Variants in SLC24A2 observed in about 807,000 individuals in gnomAD.
The protein encoded by SLC24A2 is solute carrier family 24 member 2.
A neutral mutation model predicts 62.0 loss-of-function variants in SLC24A2; 36 were observed. The observed-to-expected ratio is 0.58, with a 90% CI of 0.44 to 0.77. SLC24A2 has a LOEUF of 0.77. SLC24A2 is among the 30% of genes least tolerant of loss of function. The pLI is 0.00. For missense variants in SLC24A2, 846 were observed against 817.9 expected (o/e 1.03, Z -0.42); for synonymous variants, 358 against 294.0 (o/e 1.22, Z -2.23).
intron 7 of SLC24A2, among the ~76,000 whole-genome samples, chr9:19,562,235 C>A (rs1216534632): frequency 6.6e-6 from 1 of 151,984 alleles, no homozygotes; most frequent in African/African-American, 2.4e-5. Flanking sequence ...ACTGGAGAAA[C>A]ATAAAAAATA....
At chr9:20,239,552 G>A in the SLC24A2 span, among the ~76,000 whole-genome samples, 2,198 of 152,260 alleles carry the variant, frequency 0.014, 16 homozygotes, top group Non-Finnish European at 0.022. Flanking sequence ...TTAGGCTTGA[G>A]GCCTAGGAAA....
chr9:19,676,165 T>C (rs1242504568), intron 2 of SLC24A2, among the ~76,000 whole-genome samples: 1 of 152,202 alleles, frequency 6.6e-6, no homozygotes, highest in Non-Finnish European at 1.5e-5. Flanking sequence ...ATGGTGTGTG[T>C]TCAGGGGTGG....
At chr9:20,033,854 C>T in the SLC24A2 span, among the ~76,000 whole-genome samples, 2 of 152,206 alleles carry the variant, frequency 1.3e-5, no homozygotes, top group Non-Finnish European at 2.9e-5. Context: ...CTACCAGCAG[C>T]CCTTAGGGCT....
chr9:20,137,272 A>G, the SLC24A2 span, among the ~76,000 whole-genome samples: 1 of 152,192 alleles, frequency 6.6e-6, no homozygotes, highest in Non-Finnish European at 1.5e-5. Context: ...GATCACTTGC[A>G]TAGTTGAATT....
chr9:19,778,910 G>A (rs1822925544), intron 2 of SLC24A2, among the ~76,000 whole-genome samples: 1 of 152,144 alleles, frequency 6.6e-6, no homozygotes, highest in Non-Finnish European at 1.5e-5. Flanking sequence ...AGGAATAAAA[G>A]AGGCATTAAA....
the SLC24A2 span, among the ~76,000 whole-genome samples, chr9:19,920,455 C>G: frequency 6.6e-6 from 1 of 152,220 alleles, no homozygotes; most frequent in Admixed American, 6.5e-5. Context: ...GATTTGAGTT[C>G]AAGCAGTTTA....
chr9:19,673,481 C>G (rs902443000), intron 2 of SLC24A2, among the ~76,000 whole-genome samples: 1 of 151,716 alleles, frequency 6.6e-6, no homozygotes, highest in Non-Finnish European at 1.5e-5. Flanking sequence ...CACAGTCTTG[C>G]TCTGTCCTTC....
At chr9:20,161,869 G>C in the SLC24A2 span, among the ~76,000 whole-genome samples, 1 of 151,328 alleles carries the variant, frequency 6.6e-6, no homozygotes, top group Non-Finnish European at 1.5e-5. Flanking sequence ...TAGGAGTTGG[G>C]AAAAAGCTAG....
the SLC24A2 span, among the ~76,000 whole-genome samples, chr9:20,228,462 C>T: frequency 6.6e-6 from 1 of 151,630 alleles, no homozygotes; most frequent in African/African-American, 2.4e-5. Flanking sequence ...GAGCTGGCAC[C>T]CCAAATTGTC....
chr9:20,240,020 C>A, the SLC24A2 span, among the ~76,000 whole-genome samples: 5 of 152,152 alleles, frequency 3.3e-5, no homozygotes, highest in East Asian at 9.7e-4. Flanking sequence ...GCAGTAGAGA[C>A]TAGGCTAAGC....
chr9:19,981,869 T>C, the SLC24A2 span, among the ~76,000 whole-genome samples: 271 of 152,256 alleles, frequency 1.8e-3, 7 homozygotes, highest in Admixed American at 0.016. Context: ...AATTCACTTA[T>C]GTGATCAAGC....
At chr9:19,958,465 T>C in the SLC24A2 span, among the ~76,000 whole-genome samples, 1 of 152,190 alleles carries the variant, frequency 6.6e-6, no homozygotes, top group Non-Finnish European at 1.5e-5. Flanking sequence ...GGCTTTATGG[T>C]GCAGTCAGGA....
chr9:19,980,000 A>C, the SLC24A2 span, among the ~76,000 whole-genome samples: 1 of 152,214 alleles, frequency 6.6e-6, no homozygotes, highest in Non-Finnish European at 1.5e-5. Flanking sequence ...TTCTCAACTG[A>C]AGGAACTCAC....
rs1202459647 is a variant in SLC24A2 at position 19,541,711 on chromosome 9, C to T, written c.1479+8426G>A. 2.7e-5 allele frequency among the ~76,000 whole-genome samples: 4 copies of T among 148,990 alleles called. No homozygotes were observed. In the South Asian group the frequency reaches 8.8e-4, roughly 33 times the overall value. ...GGAGCCTACAGAGGCAGGCAGGCCT[C>T]CTTGAGCTGTGGTGGGCTCCACCCA... On this transcript the variant is annotated intron_variant, in intron 8 of 10. Transcript: ENST00000341998.
intron 5 of SLC24A2, among the ~76,000 whole-genome samples, chr9:19,591,877 G>C (rs1212995033): frequency 6.6e-6 from 1 of 152,212 alleles, no homozygotes; most frequent in Admixed American, 6.5e-5. Flanking sequence ...TTTGCCTGAT[G>C]TATCAGTGTG....
rs566036279 is a variant in SLC24A2, at chr9:19,520,614, T to A, written c.1736+280A>T. ...CGGTATCTCAGTTCCACTTGAATGT[T>A]GTTATATAAGTGAAATTCTAAAGTA... On this transcript the variant is annotated intron_variant, in intron 10 of 10. Coordinates refer to ENST00000341998, the MANE Select transcript of SLC24A2 (RefSeq NM_020344.4). 7.2e-5 allele frequency among the ~76,000 whole-genome samples: 11 copies of A among 152,242 alleles called. 1 individual carries two copies. In the South Asian group the frequency reaches 2.1e-3, roughly 29 times the overall value.
chr9:19,895,660 C>T, the SLC24A2 span: 1 of 649,298 alleles, frequency 1.5e-6, no homozygotes, highest in Non-Finnish European at 2.5e-6. Flanking sequence ...GTCTGCTCCC[C>T]TGCAGGCTCC....
the SLC24A2 span, among the ~76,000 whole-genome samples, chr9:20,231,581 T>G: frequency 1.3e-5 from 2 of 152,208 alleles, no homozygotes; most frequent in Non-Finnish European, 2.9e-5. Context: ...TGCACACTGA[T>G]TTTGTATCCT....
At chr9:20,238,067 G>C in the SLC24A2 span, among the ~76,000 whole-genome samples, 1 of 152,136 alleles carries the variant, frequency 6.6e-6, no homozygotes, top group Non-Finnish European at 1.5e-5. Flanking sequence ...AGGACCCTTG[G>C]GCTGGAAACT....
Sources: allele counts gnomAD v4.1 joint callset (sites outside exome capture counted in the v4.1 genomes callset), GRCh38; gene constraint gnomAD v4.1.1; transcripts MANE v1.5; gene names NCBI Gene and HGNC (gene_info 2026-07-23, HGNC 2026-07-21).